PCDHGA2: variants seen among roughly 807,000 people sequenced by gnomAD.
PCDHGA2 encodes protocadherin gamma-A2.
Under a neutral mutation model 59.2 loss-of-function variants are expected in PCDHGA2, and 40 were observed. That is an observed-to-expected ratio of 0.68 (90% confidence interval 0.52 to 0.88). PCDHGA2 has a LOEUF of 0.88. PCDHGA2 is among the 40% of genes least tolerant of loss of function. PCDHGA2 has a pLI of 0.00. For missense variants in PCDHGA2, 1,226 were observed against 1,204.0 expected (o/e 1.02, Z -0.27); for synonymous variants, 560 against 526.0 (o/e 1.06, Z -0.89).
chr5:141,475,202 G>T (rs746895166), intron 1 of PCDHGA2, among the ~76,000 whole-genome samples: 38 of 152,086 alleles, frequency 2.5e-4, no homozygotes, highest in Non-Finnish European at 5.3e-4. Context: ...CAAGATCTTG[G>T]GAAAAGGATT....
chr5:141,414,280 G>C, intron 1 of PCDHGA2: 5 of 1,613,604 alleles, frequency 3.1e-6, no homozygotes, highest in Non-Finnish European at 4.2e-6. Context: ...TCTGGGAACA[G>C]TCGTAGCCCT....
Position 141,340,928 on chromosome 5 carries a change from C to T in PCDHGA2, c.1957C>T (p.Pro653Ser). ...GGCCATCCAGGACCACGGCCAGCCC[C>T]CTCTCTCCGCCACTGTCACGCTCAC... ...VVAIQDHGQP[P>S]LSATVTLTVA... Residue 653 changes from proline (P) to serine (S), a missense_variant, in exon 1 of 4, where the codon CCT becomes TCT. Transcript: ENST00000394576. The T allele has an allele frequency of 6.2e-7, 1 of 1,613,870 alleles. No individual in the cohort carries two copies.
rs1476081470 is a variant in PCDHGA2, at chr5:141,432,757, C to G, written c.2425-62050C>G. 2.5e-6 allele frequency: 4 copies of G among 1,614,150 alleles called. No homozygotes were observed. The highest frequency in any genetic ancestry group is 1.3e-5 in the African/African-American group (1 of 75,076). ...TCACGCTCACCGTGGCCGTGGCCGA[C>G]AGCATCCCCCAAGTCCTGGCGGACC... On this transcript the variant is annotated intron_variant, in intron 1 of 3. Coordinates refer to ENST00000394576, the MANE Select transcript of PCDHGA2 (RefSeq NM_018915.4). This position sits in a 1 kb window ranked among gnomAD's most constrained non-coding sequence, Gnocchi z 6.0.
chr5:141,495,870 CCT>C (rs1183994771), intron 2 of PCDHGA2, among the ~76,000 whole-genome samples: 2 of 152,100 alleles, frequency 1.3e-5, no homozygotes. Flanking sequence ...TTTCTGCTTT[CCT>C]CTCTGTTCTT....
chr5:141,376,463 A>C (rs1772718380), intron 1 of PCDHGA2: 1 of 1,614,212 alleles, frequency 6.2e-7, no homozygotes, highest in South Asian at 1.1e-5. Context: ...TCTTCTGATA[A>C]CTCAGGATTT....
chr5:141,420,287 A>C, intron 1 of PCDHGA2: 1 of 1,498,884 alleles, frequency 6.7e-7, no homozygotes, highest in African/African-American at 1.4e-5. Context: ...AAGTATTTAA[A>C]AATGTATTTA....
intron 1 of PCDHGA2, among the ~76,000 whole-genome samples, chr5:141,444,095 T>C (rs1012556994): frequency 2.0e-5 from 3 of 150,676 alleles, no homozygotes; most frequent in Admixed American, 1.3e-4. Flanking sequence ...CTGCTAAGGA[T>C]TGGAAACCAA....
At chr5:141,510,677 A>G (rs2099882239) in intron 3 of PCDHGA2, among the ~76,000 whole-genome samples, 2 of 152,212 alleles carry the variant, frequency 1.3e-5, no homozygotes, top group African/African-American at 4.8e-5. Context: ...CTGAAGTGGC[A>G]TAAGGAGGTT....
intron 2 of PCDHGA2, among the ~76,000 whole-genome samples, chr5:141,501,052 A>G (rs1007055288): frequency 6.6e-6 from 1 of 151,988 alleles, no homozygotes; most frequent in Non-Finnish European, 1.5e-5. Flanking sequence ...TATTTTTAGT[A>G]GAGACGGGGT....
chr5:141,372,173 G>T, intron 1 of PCDHGA2: 1 of 1,613,722 alleles, frequency 6.2e-7, no homozygotes, highest in Non-Finnish European at 8.5e-7. Context: ...AGGTGGTGGC[G>T]GTGGACGCAG....
chr5:141,362,067 C>T (rs1762309889), intron 1 of PCDHGA2: 3 of 1,612,358 alleles, frequency 1.9e-6, no homozygotes, highest in East Asian at 4.5e-5. Context: ...GCCTGCTGGT[C>T]GCTGTGCGTG....
intron 1 of PCDHGA2, among the ~76,000 whole-genome samples, chr5:141,444,732 A>G (rs2098445644): frequency 6.6e-6 from 1 of 152,194 alleles, no homozygotes; most frequent in Admixed American, 6.6e-5. Context: ...CTTTGTTGAA[A>G]GTCATTTCAC....
At position 141,431,098 on chromosome 5, in the gene PCDHGA2, A is replaced by G; in HGVS notation, c.2425-63709A>G. The G allele has an allele frequency of 6.2e-7, 1 of 1,614,260 alleles. No homozygotes were observed. The highest frequency in any genetic ancestry group is 8.5e-7 in the Non-Finnish European group (1 of 1,180,040). On this transcript the variant is annotated intron_variant, in intron 1 of 3. Transcript: ENST00000394576. This position sits in a 1 kb window ranked among gnomAD's most constrained non-coding sequence, Gnocchi z 4.8. ...ATCTAGACATTCTGATGGAGGATAA[A>G]GTGAAAATATATGGAGTAGAAGTAG...
chr5:141,395,542 T>TTGTTTGTGTGTG (rs1267535064), intron 1 of PCDHGA2: 12 of 168,716 alleles, frequency 7.1e-5, no homozygotes, highest in African/African-American at 6.9e-4. Flanking sequence ...TTGCTATTGT[T>TTGTTTGTGTGTG]TGTGTGTGTG....
Position 141,491,713 on chromosome 5 carries a change from G to A in PCDHGA2, c.2425-3094G>A. On this transcript the variant is annotated intron_variant, in intron 1 of 3. Transcript: ENST00000394576. This position sits in a 1 kb window ranked among gnomAD's most constrained non-coding sequence, Gnocchi z 6.9. ...GGAGCGGAGCCAGGTGAGGGGCTCG[G>A]CGCCGCCCCGGGCGACCCCTGGGGG... The A allele has an allele frequency of 1.9e-6, 3 of 1,609,174 alleles. No individual in the cohort carries two copies. Among genetic ancestry groups the A allele is most frequent in the Non-Finnish European group, 2.5e-6 (3 of 1,178,054 alleles).
intron 1 of PCDHGA2, among the ~76,000 whole-genome samples, chr5:141,456,843 A>G (rs2098891742): frequency 6.6e-6 from 1 of 152,030 alleles, no homozygotes. Context: ...GGCGCCTGTA[A>G]TCCCAGCTAA....
chr5:141,351,809 G>T, intron 1 of PCDHGA2: 2 of 1,613,290 alleles, frequency 1.2e-6, no homozygotes, highest in South Asian at 1.1e-5. Flanking sequence ...GCGCGCCTTC[G>T]ACCACGAGCA....
rs1316631653 is a variant in PCDHGA2 at position 141,388,751 on chromosome 5, A to G, written c.2424+47356A>G. The G allele has an allele frequency of 4.3e-6, 7 of 1,613,980 alleles. No homozygotes were observed. In the Admixed American group the frequency reaches 5.0e-5, roughly 12 times the overall value. ...TCAGTGAAGCTAGCCAGATCACCCAATTTGACCTGAACTCTAACACCGGGG... is the reference window on the plus strand; with the variant it reads ...TCAGTGAAGCTAGCCAGATCACCCAGTTTGACCTGAACTCTAACACCGGGG... On this transcript the variant is annotated intron_variant, in intron 1 of 3. Coordinates refer to ENST00000394576, the MANE Select transcript of PCDHGA2 (RefSeq NM_018915.4).
chr5:141,349,192 C>T (rs1021415525), intron 1 of PCDHGA2, among the ~76,000 whole-genome samples: 1 of 152,048 alleles, frequency 6.6e-6, no homozygotes, highest in Non-Finnish European at 1.5e-5. Context: ...GCCTCAACCT[C>T]CCGAGTAGCT....
Sources: allele counts gnomAD v4.1 joint callset (sites outside exome capture counted in the v4.1 genomes callset), GRCh38; gene constraint gnomAD v4.1.1; non-coding constraint Gnocchi (gnomAD v3.1); transcripts MANE v1.5; gene names NCBI Gene and HGNC (gene_info 2026-07-23, HGNC 2026-07-21).